CACNA1C: variants seen among roughly 807,000 people sequenced by gnomAD.
The protein encoded by CACNA1C is voltage-dependent L-type calcium channel subunit alpha-1C.
Under a neutral mutation model 229.0 loss-of-function variants are expected in CACNA1C, and 30 were observed. That is an observed-to-expected ratio of 0.13 (90% CI 0.10 to 0.18). CACNA1C has a LOEUF of 0.18. Ranked by LOEUF, CACNA1C falls within the 10% of genes least tolerant of loss-of-function variation. The pLI, the probability that CACNA1C is intolerant of heterozygous loss-of-function variation, is 1.00. For missense variants in CACNA1C, 1,658 were observed against 2,845.0 expected (o/e 0.58, Z 9.49); for synonymous variants, 1,114 against 1,132.5 (o/e 0.98, Z 0.33).
chr12:2,200,456 G>A (rs749255883), intron 3 of CACNA1C, among the ~76,000 whole-genome samples: 1 of 152,160 alleles, frequency 6.6e-6, no homozygotes, highest in Non-Finnish European at 1.5e-5. Context: ...ATAGAGGCCA[G>A]GGAAGCCGCT....
At chr12:2,570,135 G>T (rs1401253423) in intron 13 of CACNA1C, among the ~76,000 whole-genome samples, 1 of 152,206 alleles carries the variant, frequency 6.6e-6, no homozygotes, top group Non-Finnish European at 1.5e-5. Context: ...TTTTCAACCT[G>T]TGCCCCTCTA....
intron 9 of CACNA1C, among the ~76,000 whole-genome samples, chr12:2,522,782 T>C (rs547340232): frequency 2.0e-5 from 3 of 152,284 alleles, no homozygotes; most frequent in Non-Finnish European, 2.9e-5. Context: ...TTTTCTTGCA[T>C]GGAAGGTGAA....
rs1341595354 is a variant in CACNA1C at position 2,493,536 on chromosome 12, A to G, written c.1113+150A>G. The G allele has an allele frequency of 1.5e-6, 1 of 687,256 alleles. No homozygotes were observed. The highest frequency in any genetic ancestry group is 1.9e-5 in the South Asian group (1 of 53,980). 42.6% of individuals were successfully genotyped at this position (687,256 alleles called of 1,614,324 possible). A position where few individuals can be genotyped will look rare whatever the true frequency, so the allele number is the denominator to read the frequency against. On this transcript the variant is annotated intron_variant, in intron 7 of 46. Transcript: ENST00000399655. The surrounding 1 kb of genome is among the most constrained non-coding windows in gnomAD (Gnocchi z 4.6). ...ATGAAGAGCGTCTTTGATTTCTTCC[A>G]GGTCTTGCCTGAGAAACAAGGCATG...
chr12:2,593,767 C>G (rs1316946581), intron 19 of CACNA1C, among the ~76,000 whole-genome samples: 2 of 152,178 alleles, frequency 1.3e-5, no homozygotes, highest in Non-Finnish European at 2.9e-5. Context: ...GTTAGTGAGT[C>G]TTACTGTTAT....
chr12:2,646,899 G>A lies in CACNA1C; in HGVS notation c.3913-1576G>A, dbSNP rs1359791065. Among the ~76,000 whole-genome samples, 1 of 152,038 alleles carries A rather than the reference G, an allele frequency of 6.6e-6. No individual in the cohort carries two copies. On this transcript the variant is annotated intron_variant, in intron 30 of 46. Transcript: ENST00000399655. The surrounding 1 kb of genome is among the most constrained non-coding windows in gnomAD (Gnocchi z 4.6). Reference sequence around the variant, plus strand: ...ACCCTGCAATCACAAGGACTGACCTGGCAGGTGGAATCTTCATGAAGCAGA... The same window carrying A: ...ACCCTGCAATCACAAGGACTGACCTAGCAGGTGGAATCTTCATGAAGCAGA...
chr12:2,090,698 C>A (rs1362143172), intron 1 of CACNA1C, among the ~76,000 whole-genome samples: 3 of 152,168 alleles, frequency 2.0e-5, no homozygotes, highest in Non-Finnish European at 4.4e-5. Flanking sequence ...CTGCTATGAA[C>A]CTGGGCATGC....
intron 5 of CACNA1C, among the ~76,000 whole-genome samples, chr12:2,464,469 A>T (rs2099536520): frequency 6.6e-6 from 1 of 152,196 alleles, no homozygotes; most frequent in South Asian, 2.1e-4. Context: ...GAGTTCAGAG[A>T]ATATCTCCGA....
intron 3 of CACNA1C, among the ~76,000 whole-genome samples, chr12:2,195,053 A>G (rs2097359654): frequency 1.3e-5 from 2 of 152,198 alleles, no homozygotes; most frequent in South Asian, 2.1e-4. Context: ...TGAATCAAAT[A>G]CACTTCCCTG....
At chr12:2,545,781 G>T (rs186673020) in intron 9 of CACNA1C, among the ~76,000 whole-genome samples, 6 of 152,278 alleles carry the variant, frequency 3.9e-5, no homozygotes, top group Admixed American at 2.0e-4. Flanking sequence ...TGCCTTACTT[G>T]CCTCTCATTC....
intron 10 of CACNA1C, among the ~76,000 whole-genome samples, chr12:2,552,321 A>G (rs950197921): frequency 1.5e-5 from 1 of 66,154 alleles, no homozygotes; most frequent in African/African-American, 3.8e-5. Context: ...ATAGGCAACT[A>G]TAGGATTGGG....
chr12:2,508,666 G>GA (rs1192050381), intron 8 of CACNA1C, among the ~76,000 whole-genome samples: 3 of 152,046 alleles, frequency 2.0e-5, no homozygotes, highest in African/African-American at 7.2e-5. Context: ...AAGTAAAAAA[G>GA]AAAAAATTTT....
At chr12:2,590,904 T>C (rs2064988819) in intron 18 of CACNA1C, among the ~76,000 whole-genome samples, 1 of 152,236 alleles carries the variant, frequency 6.6e-6, no homozygotes, top group Admixed American at 6.5e-5. Flanking sequence ...TCCTTCTCAA[T>C]TAAATTTCAC....
At chr12:2,135,537 C>T (rs1420677529) in intron 3 of CACNA1C, among the ~76,000 whole-genome samples, 1 of 131,774 alleles carries the variant, frequency 7.6e-6, no homozygotes, top group Non-Finnish European at 1.5e-5. Context: ...ACAGGACCCT[C>T]AGCTGCAGGT....
intron 3 of CACNA1C, among the ~76,000 whole-genome samples, chr12:2,265,620 G>T (rs2082105621): frequency 6.6e-6 from 1 of 152,226 alleles, no homozygotes; most frequent in Non-Finnish European, 1.5e-5. Context: ...GCAAATGCAG[G>T]GTGACGCTGT....
intron 6 of CACNA1C, among the ~76,000 whole-genome samples, chr12:2,489,888 G>C (rs115255101): frequency 6.6e-6 from 1 of 152,104 alleles, no homozygotes; most frequent in Admixed American, 6.5e-5. Context: ...CTTTGTTTCT[G>C]TCTCCCACTT....
In CACNA1C at chr12:2,493,398, G is replaced by T. The variant is rs769644665; in HGVS notation, c.1113+12G>T. 4 of 1,600,024 alleles carry T rather than the reference G, an allele frequency of 2.5e-6. No homozygotes were observed. Among genetic ancestry groups the T allele is most frequent in the South Asian group, 1.1e-5 (1 of 90,726 alleles). On this transcript the variant is annotated intron_variant, in intron 7 of 46. Coordinates refer to ENST00000399655, the MANE Select transcript of CACNA1C (RefSeq NM_000719.7). The surrounding 1 kb of genome is among the most constrained non-coding windows in gnomAD (Gnocchi z 4.6). ...ACGTGCTGTACTGGGTACGTAGCAT[G>T]AGTGGGCAGTCAGAGGGTGGGGGAA...
chr12:2,471,413 A>G (rs1297549644), intron 5 of CACNA1C, among the ~76,000 whole-genome samples: 1 of 152,202 alleles, frequency 6.6e-6, no homozygotes, highest in Non-Finnish European at 1.5e-5. Context: ...ACTGTTTCTG[A>G]TGCTTCTACT....
intron 3 of CACNA1C, among the ~76,000 whole-genome samples, chr12:2,232,239 T>G (rs1042746623): frequency 6.1e-5 from 9 of 146,566 alleles, no homozygotes; most frequent in Non-Finnish European, 1.3e-4. Flanking sequence ...TTTTTTTTTT[T>G]TTTTTTTTTT....
chr12:2,033,430 G>A (rs937538803), intron 1 of CACNA1C, among the ~76,000 whole-genome samples: 1 of 152,140 alleles, frequency 6.6e-6, no homozygotes, highest in Non-Finnish European at 1.5e-5. Context: ...CCCAGGCTAT[G>A]TTTACATCTT....
Sources: gnomAD v4.1 joint callset for allele counts (sites outside exome capture counted in the v4.1 genomes callset) on GRCh38, gnomAD v4.1.1 for gene constraint, Gnocchi (gnomAD v3.1) non-coding constraint, MANE v1.5 for transcripts, NCBI Gene and HGNC (gene_info 2026-07-23, HGNC 2026-07-21) for gene names.